The following RBPJ variants were observed in gnomAD, a reference collection of about 807,000 sequenced individuals.
RBPJ encodes recombination signal binding protein for immunoglobulin kappa J region, also known as recombining binding protein suppressor of hairless.
In RBPJ, 9 loss-of-function variants were observed where a neutral mutation model predicts 67.8. That is an observed-to-expected ratio of 0.13 (90% CI 0.08 to 0.23). The LOEUF is 0.23. Among genes scored for constraint, RBPJ ranks in the 10% least tolerant of loss-of-function variants. The pLI is 1.00. For synonymous variants in RBPJ, 198 were observed against 203.3 expected, an observed-to-expected ratio of 0.97 and a Z score of 0.22; for missense variants, 305 against 595.6, an observed-to-expected ratio of 0.51 and a Z score of 5.08.
chr4:26,160,165 G>T (rs1174874641), upstream of RBPJ, among the ~76,000 whole-genome samples: 2 of 152,094 alleles, frequency 1.3e-5, no homozygotes, highest in African/African-American at 4.8e-5. Flanking sequence ...TGATCTGCCC[G>T]CCTCGGCCTC....
intron 1 of RBPJ, among the ~76,000 whole-genome samples, chr4:26,170,534 G>T (rs866895928): frequency 8.0e-6 from 1 of 125,264 alleles, no homozygotes; most frequent in Non-Finnish European, 1.7e-5. Flanking sequence ...ACAGAGTAAG[G>T]CCCTGTCTAA....
At chr4:26,144,035 A>G in the RBPJ span, among the ~76,000 whole-genome samples, 1 of 152,238 alleles carries the variant, frequency 6.6e-6, no homozygotes, top group African/African-American at 2.4e-5. Context: ...ACTTTATATT[A>G]TGTGTTAAAT....
At chr4:26,364,974 C>T (rs1728479211) in intron 1 of RBPJ, among the ~76,000 whole-genome samples, 1 of 151,916 alleles carries the variant, frequency 6.6e-6, no homozygotes. Flanking sequence ...GTCACCTCAC[C>T]TGCATTTCAA....
intron 1 of RBPJ, among the ~76,000 whole-genome samples, chr4:26,269,806 G>T (rs1231635809): frequency 6.6e-6 from 1 of 151,852 alleles, no homozygotes; most frequent in Non-Finnish European, 1.5e-5. Flanking sequence ...GGAGGGAGAG[G>T]GGTAGAATGA....
intron 1 of RBPJ, among the ~76,000 whole-genome samples, chr4:26,225,321 C>T (rs1719042247): frequency 6.6e-6 from 1 of 152,146 alleles, no homozygotes; most frequent in African/African-American, 2.4e-5. Flanking sequence ...GAATAAAAAA[C>T]TTAATTGCTT....
chr4:26,188,144 G>A lies in RBPJ; in HGVS notation c.-167+24530G>A, dbSNP rs561344054. Among the ~76,000 whole-genome samples the A allele has an allele frequency of 1.4e-3, 219 of 152,296 alleles. 2 individuals carry two copies. Among genetic ancestry groups the A allele is most frequent in the African/African-American group, 5.0e-3 (209 of 41,560 alleles). On this transcript the variant is annotated intron_variant, in intron 1 of 4. Transcript: ENST00000512351. The stretch of plus-strand genomic sequence containing the variant: ...AAATCCCTTGAACCCAGGAGGTGAA[G>A]GTTGCAGTGAGCTGAGATGGCACCA...
chr4:26,316,039 A>T (rs1258942634), upstream of RBPJ, among the ~76,000 whole-genome samples: 1 of 152,102 alleles, frequency 6.6e-6, no homozygotes, highest in Non-Finnish European at 1.5e-5. Context: ...CACGTTTTAC[A>T]ATCAATTTGT....
intron 1 of RBPJ, among the ~76,000 whole-genome samples, chr4:26,260,595 G>C (rs370889640): frequency 6.6e-6 from 1 of 152,212 alleles, no homozygotes; most frequent in East Asian, 1.9e-4. Context: ...CCAGACAACG[G>C]AAGATTTTGA....
At chr4:26,353,229 T>TA (rs1174118149) in intron 1 of RBPJ, among the ~76,000 whole-genome samples, 2 of 152,254 alleles carry the variant, frequency 1.3e-5, no homozygotes, top group African/African-American at 4.8e-5. Flanking sequence ...GTCTATGAAG[T>TA]AACATGATTT....
At chr4:26,400,388 T>G (rs1732650094) in intron 2 of RBPJ, among the ~76,000 whole-genome samples, 1 of 152,196 alleles carries the variant, frequency 6.6e-6, no homozygotes, top group African/African-American at 2.4e-5. Flanking sequence ...CAGCGCAATC[T>G]CTCCACAGCA....
chr4:26,210,686 C>T (rs1212310437), intron 1 of RBPJ, among the ~76,000 whole-genome samples: 1 of 65,432 alleles, frequency 1.5e-5, no homozygotes, highest in South Asian at 6.2e-4. Context: ...TTCTTTCTTT[C>T]CTTTCTTTCT....
chr4:26,378,110 T>C (rs891087801), intron 1 of RBPJ, among the ~76,000 whole-genome samples: 26 of 152,154 alleles, frequency 1.7e-4, no homozygotes, highest in African/African-American at 5.6e-4. Context: ...GTTCCTCAGT[T>C]TTTTGTTTCA....
At chr4:26,244,427 A>G (rs1719846708) in intron 1 of RBPJ, among the ~76,000 whole-genome samples, 1 of 146,304 alleles carries the variant, frequency 6.8e-6, no homozygotes, top group African/African-American at 2.5e-5. Context: ...ATGTGTGTAT[A>G]TATGTATACA....
chr4:26,349,028 G>GT (rs1726489516), intron 1 of RBPJ, among the ~76,000 whole-genome samples: 2 of 152,006 alleles, frequency 1.3e-5, no homozygotes, highest in Admixed American at 1.3e-4. Context: ...TTTTAAAGAT[G>GT]TTTTTAAAAG....
intron 7 of RBPJ, among the ~76,000 whole-genome samples, chr4:26,427,139 A>T (rs1735757837): frequency 6.6e-6 from 1 of 152,110 alleles, no homozygotes; most frequent in African/African-American, 2.4e-5. Flanking sequence ...CATAGTATTA[A>T]GGTGGTGAGG....
chr4:26,341,627 AC>A (rs1056722708), intron 1 of RBPJ, among the ~76,000 whole-genome samples: 1 of 151,078 alleles, frequency 6.6e-6, no homozygotes, highest in Non-Finnish European at 1.5e-5. Context: ...ACAAAACAAA[AC>A]AAAACAAAAA....
chr4:26,352,119 T>A (rs777306287), intron 1 of RBPJ, among the ~76,000 whole-genome samples: 3 of 152,222 alleles, frequency 2.0e-5, no homozygotes, highest in Non-Finnish European at 2.9e-5. Context: ...TTATTTTCTC[T>A]ATATAGTGGG....
At chr4:26,191,262 G>T (rs1168615083) in intron 1 of RBPJ, among the ~76,000 whole-genome samples, 1 of 142,124 alleles carries the variant, frequency 7.0e-6, no homozygotes, top group Admixed American at 7.2e-5. Flanking sequence ...GAGAGGGAGA[G>T]AGGGAGAGAG....
intron 1 of RBPJ, among the ~76,000 whole-genome samples, chr4:26,377,970 G>A (rs534289723): frequency 2.0e-5 from 3 of 152,188 alleles, no homozygotes; most frequent in Non-Finnish European, 4.4e-5. Context: ...CACGTGTAGG[G>A]TGTGTGGGTT....
Sources: allele counts gnomAD v4.1 joint callset (sites outside exome capture counted in the v4.1 genomes callset), GRCh38; gene constraint gnomAD v4.1.1; transcripts MANE v1.5; gene names NCBI Gene and HGNC (gene_info 2026-07-23, HGNC 2026-07-21).